The following ATAD3A variants were observed in gnomAD, a reference collection of about 807,000 sequenced individuals.
ATAD3A encodes the protein ATPase family AAA domain containing 3A.
ATAD3A carries 46 observed loss-of-function variants against 73.8 expected under a neutral mutation model. The ratio of observed to expected loss-of-function variants is 0.62; its 90% confidence interval spans 0.49 to 0.80. ATAD3A has a LOEUF of 0.80. Among genes scored for constraint, ATAD3A ranks in the 30% least tolerant of loss-of-function variants. ATAD3A has a pLI of 0.00. For synonymous variants in ATAD3A, 319 were observed against 350.0 expected (o/e 0.91, Z 0.99); for missense variants, 705 against 838.0 (o/e 0.84, Z 1.96).
chr1:1,522,974 G>A (rs540126132), intron 8 of ATAD3A, 75 bp downstream of exon 8: 38 of 1,565,056 alleles, frequency 2.4e-5, no homozygotes, highest in African/African-American at 2.8e-5. Flanking sequence ...CACAGCCCAC[G>A]CACACCCTCC....
intron 15 of ATAD3A, among the ~76,000 whole-genome samples, chr1:1,530,440 G>A (rs35884575): frequency 0.025 from 3,740 of 152,130 alleles, 67 homozygotes; most frequent in Non-Finnish European, 0.038. Flanking sequence ...AGGCTGAGGT[G>A]GGAGGATCAC....
intron 15 of ATAD3A, 101 bp downstream of exon 15, chr1:1,529,432 T>TTC (rs1252567493): frequency 1.3e-6 from 2 of 1,489,130 alleles, no homozygotes; most frequent in East Asian, 4.9e-5. Context: ...ACGCGGGAGC[T>TTC]TCTGTTGAGG....
At chr1:1,515,338 A>T (rs1641321773) in intron 1 of ATAD3A, among the ~76,000 whole-genome samples, 1 of 152,148 alleles carries the variant, frequency 6.6e-6, no homozygotes, top group Non-Finnish European at 1.5e-5. Flanking sequence ...CAGCCTCTCA[A>T]AGTGCTGGGA....
intron 15 of ATAD3A, among the ~76,000 whole-genome samples, chr1:1,531,558 A>C (rs1215512906): frequency 6.6e-6 from 1 of 150,822 alleles, no homozygotes; most frequent in African/African-American, 2.4e-5. Flanking sequence ...CGGATCATGA[A>C]GTCAGGAAAT....
chr1:1,513,300 C>T (rs940323720), intron 1 of ATAD3A, among the ~76,000 whole-genome samples: 1 of 151,476 alleles, frequency 6.6e-6, no homozygotes, highest in Non-Finnish European at 1.5e-5. Context: ...GGGTTTTCAC[C>T]CGCTAACTTC....
In ATAD3A at chr1:1,518,951, C is replaced by A; in HGVS notation, c.475C>A (p.Gln159Lys). The change falls in exon 5 of 16, where the codon CAG becomes AAG. Residue 159 changes from glutamine (Q) to lysine (K), a missense_variant. Gln to Lys is a moderately conservative substitution (Grantham distance 53). Transcript: ENST00000378756. Reference protein sequence around the residue: ...QLLNEENLRKQEESVQKQEAM... With the variant: ...QLLNEENLRKKEESVQKQEAM... ...TCTCAATGAGGAGAATTTACGGAAG[C>A]AGGAGGAGTCCGTGCAGAAGCAGGA... The A allele has an allele frequency of 1.2e-6, 2 of 1,614,178 alleles. No individual in the cohort carries two copies. The highest frequency in any genetic ancestry group is 1.7e-6 in the Non-Finnish European group (2 of 1,180,000).
Position 1,512,197 on chromosome 1 carries a change from C to T in ATAD3A, c.-72C>T, listed in dbSNP as rs1641213080. The T allele has an allele frequency of 3.3e-6, 4 of 1,227,772 alleles. No homozygotes were observed. The South Asian group carries it at 1.6e-4, about 48-fold the overall frequency. The allele number at this position is 1,227,772 out of a possible 1,614,324, so 76.1% of individuals were successfully genotyped here. A position where few individuals can be genotyped will look rare whatever the true frequency, so the allele number is the denominator to read the frequency against. ...ACCACCGGCTCGCGGCGCGTGGAGGCTGCTCCCAGCCGCGCGCGAGTCAGA... is the reference window on the plus strand; with the variant it reads ...ACCACCGGCTCGCGGCGCGTGGAGGTTGCTCCCAGCCGCGCGCGAGTCAGA... On this transcript the variant is annotated 5_prime_UTR_variant, in exon 1 of 16. Coordinates refer to ENST00000378756, the MANE Select transcript of ATAD3A (RefSeq NM_001170535.3).
intron 15 of ATAD3A, among the ~76,000 whole-genome samples, chr1:1,531,509 C>T (rs1010472389): frequency 1.3e-5 from 2 of 151,870 alleles, no homozygotes; most frequent in South Asian, 2.1e-4. Flanking sequence ...CGCGGTGGCT[C>T]ATGCCTGTAA....
rs373633598 is a variant in ATAD3A at position 1,523,824 on chromosome 1, C to T, written c.964-15C>T. The T allele has an allele frequency of 1.0e-4, 168 of 1,613,668 alleles. No homozygotes were observed. Among genetic ancestry groups the T allele is most frequent in the Admixed American group, 1.7e-4 (10 of 59,998 alleles). On this transcript the variant is annotated splice_polypyrimidine_tract_variant and intron_variant, in intron 9 of 15. Transcript: ENST00000378756. The surrounding 1 kb of genome is among the most constrained non-coding windows in gnomAD (Gnocchi z 5.1). ...GTGCACAGTGTCTCCTCCAAACCCC[C>T]GTCTTCCCCGGCAGCCCAGCCTGGA... is the stretch of plus-strand genomic sequence containing the variant.
In ATAD3A at chr1:1,512,467, C is replaced by T. The variant is rs1284205516; in HGVS notation, c.199C>T (p.His67Tyr). 8.3e-6 allele frequency: 10 copies of T among 1,208,926 alleles called. No individual in the cohort carries two copies. The highest frequency in any genetic ancestry group is 9.3e-5 in the Admixed American group (2 of 21,510). 74.9% of individuals were successfully genotyped at this position (1,208,926 alleles called of 1,614,324 possible). ...CGCCAAGGCGGCGCGCGAGCTGGAG[C>T]ACTCGCGTGAGTGCGGCGGGGCGGG... is the stretch of plus-strand genomic sequence containing the variant. ...RAAKAARELE[H>Y]SRYAKDALNL... The change falls in exon 1 of 16, where the codon CAC (histidine) becomes TAC (tyrosine). Residue 67 changes from histidine (H) to tyrosine (Y), a missense_variant. Transcript: ENST00000378756.
chr1:1,532,831 C>G (rs545904931), intron 15 of ATAD3A, among the ~76,000 whole-genome samples: 7 of 151,162 alleles, frequency 4.6e-5, no homozygotes, highest in African/African-American at 1.7e-4. Context: ...CCTGCGCTCC[C>G]AGGCCCCTGA....
At chr1:1,514,570 C>T (rs900827123) in intron 1 of ATAD3A, among the ~76,000 whole-genome samples, 7 of 152,182 alleles carry the variant, frequency 4.6e-5, no homozygotes, top group African/African-American at 9.7e-5. Context: ...GCCCGTCAGC[C>T]CAGTTCGTGC....
chr1:1,525,569 C>G (rs1309707415), intron 12 of ATAD3A, among the ~76,000 whole-genome samples: 1 of 152,028 alleles, frequency 6.6e-6, no homozygotes, highest in African/African-American at 2.4e-5. Flanking sequence ...CTCCCGCCAC[C>G]ACACCTGGCT....
intron 1 of ATAD3A, chr1:1,512,739 G>A (rs752768608): frequency 3.9e-5 from 44 of 1,137,418 alleles, no homozygotes; most frequent in Non-Finnish European, 4.4e-5. Flanking sequence ...AGGGGTCAGG[G>A]TCTGGGGCTG....
chr1:1,525,213 C>T, intron 11 of ATAD3A, 27 bp from the exon 12 acceptor site: 1 of 1,613,406 alleles, frequency 6.2e-7, no homozygotes, highest in Non-Finnish European at 8.5e-7. Context: ...TCACTCTCGC[C>T]CTGCTTGGCC....
At chr1:1,518,838 A>G (rs1269668052) in intron 4 of ATAD3A, 83 bp from the exon 5 acceptor site, 4 of 1,605,958 alleles carry the variant, frequency 2.5e-6, no homozygotes, top group East Asian at 2.2e-5. Flanking sequence ...CCCCCTGCAC[A>G]CTCGGGCACA....
chr1:1,529,595 G>A (rs1263161031), intron 15 of ATAD3A, among the ~76,000 whole-genome samples: 6 of 152,240 alleles, frequency 3.9e-5, no homozygotes, highest in Non-Finnish European at 8.8e-5. Context: ...TGGCATCGCC[G>A]TAGCCCGAGC....
chr1:1,526,370 C>T (rs1213133814), intron 12 of ATAD3A, 91 bp from the exon 13 acceptor site: 27 of 1,567,132 alleles, frequency 1.7e-5, no homozygotes, highest in Non-Finnish European at 2.2e-5. Flanking sequence ...TGTCCCTGCT[C>T]CCTGCAGGAG....
chr1:1,533,865 C>T (rs537314886), intron 15 of ATAD3A, 61 bp from the exon 16 acceptor site: 272 of 1,577,760 alleles, frequency 1.7e-4, no homozygotes, highest in African/African-American at 1.3e-3. Context: ...GGGGCCCTGG[C>T]GTGCATTTGG....
Sources: gnomAD v4.1 joint callset for allele counts (sites outside exome capture counted in the v4.1 genomes callset) on GRCh38, gnomAD v4.1.1 for gene constraint, Gnocchi (gnomAD v3.1) non-coding constraint, MANE v1.5 for transcripts, NCBI Gene and HGNC (gene_info 2026-07-23, HGNC 2026-07-21) for gene names.